TEX2: variants seen among roughly 807,000 people sequenced by gnomAD.
TEX2 encodes testis expressed 2, also known as testis-expressed protein 2.
TEX2 carries 53 observed loss-of-function variants against 106.9 expected under a neutral mutation model. The ratio of observed to expected loss-of-function variants is 0.50; its 90% CI spans 0.40 to 0.62. The LOEUF (loss-of-function observed/expected upper bound fraction) is 0.62. Ranked by LOEUF, TEX2 falls within the 20% of genes least tolerant of loss-of-function variation. The pLI, the probability that TEX2 is intolerant of heterozygous loss-of-function variation, is 0.00. For missense variants in TEX2, 1,207 were observed against 1,379.0 expected, an observed-to-expected ratio of 0.88 and a Z score of 1.98; for synonymous variants, 523 against 534.8, an observed-to-expected ratio of 0.98 and a Z score of 0.30.
At chr17:64,262,870 CT>C (rs1427609896) in intron 1 of TEX2, among the ~76,000 whole-genome samples, 1 of 152,236 alleles carries the variant, frequency 6.6e-6, no homozygotes, top group Non-Finnish European at 1.5e-5. Context: ...CGGTGCCTCC[CT>C]GCCCGGGGCC....
At position 64,152,960 on chromosome 17, in the gene TEX2, G is replaced by A; in HGVS notation, c.3125C>T (p.Pro1042Leu). 2 of 1,614,076 alleles carry A rather than the reference G, an allele frequency of 1.2e-6. No individual in the cohort carries two copies. The highest frequency in any genetic ancestry group is 1.7e-6 in the Non-Finnish European group (2 of 1,179,994). The change falls in exon 10 of 12, where the codon CCG (proline) becomes CTG (leucine). Residue 1042 changes from proline (P) to leucine (L), a missense_variant. By Grantham distance (98) the Pro-to-Leu change is moderately conservative (BLOSUM62 -3). Coordinates refer to ENST00000584379, the MANE Select transcript of TEX2 (RefSeq NM_001288732.2). ...CTCTACGCACCATACTCGGTCAGTCGGGGGTGGTGGAATGTTGACCGCCAA... is the reference window on the plus strand; with the variant it reads ...CTCTACGCACCATACTCGGTCAGTCAGGGGTGGTGGAATGTTGACCGCCAA... ...GTLAVNIPPP[P>L]TDRVWYGFRK... is the part of the protein sequence containing the mutation.
chr17:64,170,685 T>C (rs2031348586), intron 7 of TEX2, among the ~76,000 whole-genome samples: 1 of 137,778 alleles, frequency 7.3e-6, no homozygotes, highest in African/African-American at 2.8e-5. Flanking sequence ...CAGGCTGGAG[T>C]CCAGTGGCAC....
intron 1 of TEX2, chr17:64,242,319 A>G (rs956089653): frequency 2.6e-5 from 4 of 152,228 alleles, no homozygotes; most frequent in African/African-American, 9.6e-5. Flanking sequence ...AGCCTTCCTG[A>G]GGACTATAAC....
At chr17:64,255,373 A>AT (rs201080150) in intron 1 of TEX2, among the ~76,000 whole-genome samples, 1 of 152,088 alleles carries the variant, frequency 6.6e-6, no homozygotes, top group Non-Finnish European at 1.5e-5. Context: ...GTGTGCAGGC[A>AT]TTTTTTTCTC....
At chr17:64,159,254 G>C (rs1377392592) in intron 8 of TEX2, among the ~76,000 whole-genome samples, 1 of 152,158 alleles carries the variant, frequency 6.6e-6, no homozygotes, top group Admixed American at 6.5e-5. Context: ...TCTAGAAAGG[G>C]CTCCTTGCAC....
intron 5 of TEX2, among the ~76,000 whole-genome samples, chr17:64,178,275 CTGGAGGGGGTCAGGGA>C (rs1342208274): frequency 6.6e-6 from 1 of 152,156 alleles, no homozygotes; most frequent in Non-Finnish European, 1.5e-5. Flanking sequence ...GCACTCTGGC[CTGGAGGGGGTCAGGGA>C]TGGAGATAAA....
Position 64,148,800 on chromosome 17 carries a change from A to C in TEX2, c.*169T>G. ...AATCCAGACAGTTGTCACTAGATGC[A>C]GGGAATGACACCTCACAGTGGAATG... is the stretch of plus-strand genomic sequence containing the variant. On this transcript the variant is annotated 3_prime_UTR_variant, in exon 12 of 12. Coordinates refer to ENST00000584379, the MANE Select transcript of TEX2 (RefSeq NM_001288732.2). The C allele has an allele frequency of 1.3e-6, 1 of 743,806 alleles. No homozygotes were observed. Among genetic ancestry groups the C allele is most frequent in the Non-Finnish European group, 2.1e-6 (1 of 475,680 alleles). 46.1% of individuals were successfully genotyped at this position (743,806 alleles called of 1,614,324 possible). A position where few individuals can be genotyped will look rare whatever the true frequency, so the allele number is the denominator to read the frequency against.
intron 1 of TEX2, among the ~76,000 whole-genome samples, chr17:64,257,858 T>A (rs2034212171): frequency 6.6e-6 from 1 of 152,064 alleles, no homozygotes; most frequent in Non-Finnish European, 1.5e-5. Context: ...AGATCTATGT[T>A]AAGAATGAAT....
At chr17:64,219,840 C>G (rs1160274260) in intron 1 of TEX2, among the ~76,000 whole-genome samples, 2 of 152,164 alleles carry the variant, frequency 1.3e-5, no homozygotes, top group African/African-American at 4.8e-5. Flanking sequence ...AATGCTCCTC[C>G]CCTACCCCAC....
intron 1 of TEX2, among the ~76,000 whole-genome samples, chr17:64,257,314 T>C (rs781647640): frequency 1.3e-5 from 2 of 152,236 alleles, no homozygotes; most frequent in Non-Finnish European, 1.5e-5. Context: ...ACCTGGCACA[T>C]GGCTTTTGTT....
At chr17:64,199,344 C>T (rs1296168188) in intron 2 of TEX2, among the ~76,000 whole-genome samples, 1 of 152,172 alleles carries the variant, frequency 6.6e-6, no homozygotes, top group Non-Finnish European at 1.5e-5. Flanking sequence ...TCAAGCAATT[C>T]TCCTGCCTCA....
In TEX2 at chr17:64,196,599, C is replaced by T. The variant is rs1598167107; in HGVS notation, c.1645-1504G>A. Among the ~76,000 whole-genome samples, 3 of 152,104 alleles carry T rather than the reference C, an allele frequency of 2.0e-5. No homozygotes were observed. In the South Asian group the frequency reaches 6.2e-4, roughly 32 times the overall value. The stretch of plus-strand genomic sequence containing the variant: ...TGTGAGGAAACAGCAACAATCAGAG[C>T]AATGAAGAGAAAAAGATGACAATTA... On this transcript the variant is annotated intron_variant, in intron 2 of 11. Coordinates refer to ENST00000584379, the MANE Select transcript of TEX2 (RefSeq NM_001288732.2).
At chr17:64,246,102 A>G (rs782782743) in intron 1 of TEX2, among the ~76,000 whole-genome samples, 4 of 152,210 alleles carry the variant, frequency 2.6e-5, no homozygotes, top group African/African-American at 4.8e-5. Flanking sequence ...AACACCCTTT[A>G]AGAGCCAGAT....
At position 64,193,732 on chromosome 17, in the gene TEX2, G is replaced by C; in HGVS notation, c.2003C>G (p.Pro668Arg). ...EKPPAEGSED[P>R]KKPPRPQEGT... ...CTCCTGAGGGCGGGGTGGCTTCTTA[G>C]GGTCCTCACTTCCCTCAGCTGGCGG... The change falls in exon 4 of 12, where the codon CCT (proline) becomes CGT (arginine). Residue 668 changes from proline to arginine, a missense_variant. By Grantham distance (103) the Pro-to-Arg change is moderately radical. Coordinates refer to ENST00000584379, the MANE Select transcript of TEX2 (RefSeq NM_001288732.2). 1.2e-6 allele frequency: 2 copies of C among 1,613,394 alleles called. No individual in the cohort carries two copies. Among genetic ancestry groups the C allele is most frequent in the Non-Finnish European group, 8.5e-7 (1 of 1,179,614 alleles).
At chr17:64,214,472 A>G (rs1199736397) in intron 1 of TEX2, among the ~76,000 whole-genome samples, 3 of 152,208 alleles carry the variant, frequency 2.0e-5, no homozygotes, top group Non-Finnish European at 4.4e-5. Context: ...TAAATGCCAT[A>G]CAATCTGTCT....
Position 64,148,871 on chromosome 17 carries a change from G to GCCT in TEX2, c.*97_*98insAGG. The GCCT allele has an allele frequency of 6.8e-7, 1 of 1,464,132 alleles. No homozygotes were observed. 90.7% of individuals were successfully genotyped at this position (1,464,132 alleles called of 1,614,324 possible). On this transcript the variant is annotated 3_prime_UTR_variant, in exon 12 of 12. Coordinates refer to ENST00000584379, the MANE Select transcript of TEX2 (RefSeq NM_001288732.2). ...AGAAGCAGTCCTTTAAGAAACAGTA[G>GCCT]CTGTGGCACAGAGGCCAGTGCTACA...
chr17:64,150,683 T>C (rs2030307488), intron 11 of TEX2, 158 bp downstream of exon 11: 1 of 740,384 alleles, frequency 1.4e-6, no homozygotes, highest in South Asian at 2.4e-5. Flanking sequence ...GTACCTGAAG[T>C]TTTATTCCCA....
chr17:64,241,289 T>C (rs1426702299), intron 1 of TEX2, among the ~76,000 whole-genome samples: 2 of 152,234 alleles, frequency 1.3e-5, no homozygotes, highest in African/African-American at 2.4e-5. Flanking sequence ...CAGTTCTGCT[T>C]TGAACTGCGG....
At chr17:64,236,278 A>T (rs1306378799) in intron 1 of TEX2, among the ~76,000 whole-genome samples, 2 of 152,370 alleles carry the variant, frequency 1.3e-5, no homozygotes, top group East Asian at 3.9e-4. Context: ...GAGATTATTT[A>T]AAGTATATAT....
Sources: allele counts gnomAD v4.1 joint callset (sites outside exome capture counted in the v4.1 genomes callset), GRCh38; gene constraint gnomAD v4.1.1; transcripts MANE v1.5; gene names NCBI Gene and HGNC (gene_info 2026-07-23, HGNC 2026-07-21).